RNF121: variants seen among roughly 807,000 people sequenced by gnomAD.
RNF121 encodes E3 ubiquitin ligase RNF121.
Under a neutral mutation model 46.5 loss-of-function variants are expected in RNF121, and 21 were observed. That is an observed-to-expected ratio of 0.45 (90% CI 0.32 to 0.65). The LOEUF (loss-of-function observed/expected upper bound fraction) is 0.65. Among genes scored for constraint, RNF121 ranks in the 30% least tolerant of loss-of-function variants. The pLI, the probability that RNF121 is intolerant of heterozygous loss-of-function variation, is 0.04. For synonymous variants in RNF121, 139 were observed against 144.7 expected (o/e 0.96, Z 0.28); for missense variants, 346 against 416.0 (o/e 0.83, Z 1.46).
At chr11:71,950,167 T>G (rs1953837911) in intron 1 of RNF121, among the ~76,000 whole-genome samples, 1 of 152,022 alleles carries the variant, frequency 6.6e-6, no homozygotes, top group Non-Finnish European at 1.5e-5. Context: ...GCCAAAGAGG[T>G]GAAGGATTGG....
Position 71,929,081 on chromosome 11 carries a change from T to C in RNF121, c.20T>C (p.Val7Ala). ...GTGAAGATGGCGGCAGTGGTGGAGG[T>C]GGAGGTTGGAGGTGGTGCTGCTGGG... MAAVVE[V>A]EVGGGAAGER... Residue 7 changes from valine (V) to alanine (A), a missense_variant, in exon 1 of 9, where the codon GTG (valine) becomes GCG (alanine). Physicochemically the swap from Val to Ala is moderately conservative, Grantham distance 64 (BLOSUM62 0). Transcript: ENST00000361756. 3.9e-6 allele frequency: 6 copies of C among 1,549,532 alleles called. No individual in the cohort carries two copies. Among genetic ancestry groups the C allele is most frequent in the Non-Finnish European group, 4.4e-6 (5 of 1,146,556 alleles).
intron 7 of RNF121, 135 bp from the exon 8 acceptor site, chr11:71,995,315 A>G: frequency 1.4e-6 from 1 of 693,140 alleles, no homozygotes; most frequent in Non-Finnish European, 2.5e-6. Flanking sequence ...GTGAGGAAAC[A>G]GGTTCAGACA....
At chr11:71,985,842 C>T (rs1476798292) in intron 4 of RNF121, among the ~76,000 whole-genome samples, 1 of 151,976 alleles carries the variant, frequency 6.6e-6, no homozygotes, top group Non-Finnish European at 1.5e-5. Context: ...CCTGTAATCC[C>T]AGCACTTTGG....
intron 3 of RNF121, among the ~76,000 whole-genome samples, chr11:71,972,560 G>A (rs1006554947): frequency 2.6e-5 from 4 of 152,014 alleles, no homozygotes; most frequent in African/African-American, 9.7e-5. Context: ...CTCAACAGAG[G>A]AACTGTTGGC....
intron 4 of RNF121, among the ~76,000 whole-genome samples, chr11:71,984,224 T>C (rs1041291407): frequency 2.0e-5 from 3 of 152,258 alleles, no homozygotes; most frequent in Non-Finnish European, 4.4e-5. Context: ...TGCCAACTTC[T>C]GGCTAAAATA....
chr11:71,988,681 G>A (rs1954813294), intron 5 of RNF121, among the ~76,000 whole-genome samples: 4 of 151,828 alleles, frequency 2.6e-5, no homozygotes, highest in African/African-American at 9.7e-5. Flanking sequence ...AATTAGCTGG[G>A]TGTAGCAGTG....
intron 5 of RNF121, among the ~76,000 whole-genome samples, chr11:71,987,664 A>G (rs1374777052): frequency 6.6e-6 from 1 of 152,246 alleles, no homozygotes; most frequent in Non-Finnish European, 1.5e-5. Context: ...GATAAAGACC[A>G]TATGGGCTAC....
chr11:71,986,510 A>G (rs1590812219), intron 4 of RNF121, among the ~76,000 whole-genome samples: 1 of 152,050 alleles, frequency 6.6e-6, no homozygotes, highest in Non-Finnish European at 1.5e-5. Flanking sequence ...GCTCACGCCT[A>G]TAATCCAAAC....
intron 3 of RNF121, chr11:71,962,080 G>C (rs1954149441): frequency 6.7e-6 from 1 of 148,902 alleles, no homozygotes; most frequent in Admixed American, 6.8e-5. Context: ...CCATTCTCCT[G>C]CCTCGGCTTC....
intron 5 of RNF121, among the ~76,000 whole-genome samples, chr11:71,989,247 A>G (rs570201842): frequency 2.6e-5 from 4 of 152,010 alleles, no homozygotes. Context: ...CACCCGGCTA[A>G]TTTTTATATT....
intron 8 of RNF121, 111 bp downstream of exon 8, chr11:71,995,662 C>T: frequency 3.9e-6 from 3 of 762,966 alleles, no homozygotes; most frequent in Non-Finnish European, 6.7e-6. Context: ...CCAACCAGAA[C>T]ATGTCAAACC....
At chr11:71,967,868 C>A (rs1954323815) in intron 3 of RNF121, among the ~76,000 whole-genome samples, 1 of 152,088 alleles carries the variant, frequency 6.6e-6, no homozygotes, top group African/African-American at 2.4e-5. Flanking sequence ...ACAGCTTGAG[C>A]CATATGATAT....
chr11:71,995,292 C>T, intron 7 of RNF121, 158 bp from the exon 8 acceptor site: 5 of 643,594 alleles, frequency 7.8e-6, no homozygotes, highest in Admixed American at 5.1e-5. Context: ...GGATCATTAT[C>T]CTTACTTCAC....
chr11:71,993,320 A>C (rs1429633769), intron 6 of RNF121, among the ~76,000 whole-genome samples: 1 of 152,206 alleles, frequency 6.6e-6, no homozygotes, highest in African/African-American at 2.4e-5. Context: ...TCTAATTCCA[A>C]AATTTTTCTT....
intron 1 of RNF121, among the ~76,000 whole-genome samples, chr11:71,930,261 C>A (rs563522380): frequency 6.6e-6 from 1 of 152,218 alleles, no homozygotes; most frequent in East Asian, 1.9e-4. Context: ...AGAGATAGAA[C>A]CAGTGAGATC....
chr11:71,974,569 A>G (rs1565155894), intron 3 of RNF121, among the ~76,000 whole-genome samples: 1 of 152,232 alleles, frequency 6.6e-6, no homozygotes, highest in Non-Finnish European at 1.5e-5. Flanking sequence ...TGACCATTAA[A>G]TTGGAGAGTT....
chr11:71,953,500 T>C (rs570460156), intron 1 of RNF121, among the ~76,000 whole-genome samples: 39 of 152,338 alleles, frequency 2.6e-4, no homozygotes, highest in Middle Eastern at 3.4e-3. Context: ...AATGTACATA[T>C]GAATTATTTC....
At chr11:71,934,890 A>G (rs557457904) in intron 1 of RNF121, among the ~76,000 whole-genome samples, 3 of 151,962 alleles carry the variant, frequency 2.0e-5, no homozygotes, top group South Asian at 2.1e-4. Flanking sequence ...GTGAAATAAT[A>G]CAGATTACTT....
rs906602890 is a variant in RNF121, at chr11:71,968,614, A to G, written c.243+7723A>G. 3.9e-5 allele frequency among the ~76,000 whole-genome samples: 6 copies of G among 152,202 alleles called. No individual in the cohort carries two copies. The East Asian group carries it at 9.6e-4, about 24-fold the overall frequency. ...AAATATAGTTGGGACATTACCACCT[A>G]TGTAATTACGTAGACATAATTAATA... On this transcript the variant is annotated intron_variant, in intron 3 of 8. Coordinates refer to ENST00000361756, the MANE Select transcript of RNF121 (RefSeq NM_018320.5).
Sources: gnomAD v4.1 joint callset for allele counts (sites outside exome capture counted in the v4.1 genomes callset) on GRCh38, gnomAD v4.1.1 for gene constraint, MANE v1.5 for transcripts, NCBI Gene and HGNC (gene_info 2026-07-23, HGNC 2026-07-21) for gene names.